The following LRPPRC variants were observed in gnomAD, a reference collection of about 807,000 sequenced individuals.
LRPPRC encodes leucine-rich PPR motif-containing protein, mitochondrial.
In LRPPRC, 120 loss-of-function variants were observed where a neutral mutation model predicts 180.3. The observed-to-expected ratio is 0.67, with a 90% confidence interval of 0.57 to 0.77. The LOEUF (loss-of-function observed/expected upper bound fraction) is 0.77. Among genes scored for constraint, LRPPRC ranks in the 30% least tolerant of loss-of-function variants. The probability of loss-of-function intolerance (pLI) is 0.00; values close to 1 mark genes in which losing one functional copy is unlikely to be tolerated. For synonymous variants in LRPPRC, 723 were observed against 600.0 expected, an observed-to-expected ratio of 1.21 and a Z score of -3.00; for missense variants, 2,012 against 1,657.2, an observed-to-expected ratio of 1.21 and a Z score of -3.72.
At chr2:43,927,554 A>G (rs746732078) in intron 25 of LRPPRC, among the ~76,000 whole-genome samples, 9 of 152,224 alleles carry the variant, frequency 5.9e-5, no homozygotes, top group Admixed American at 4.6e-4. Flanking sequence ...TTTCACACGC[A>G]TAATACTGAA....
chr2:43,927,643 A>G (rs1435846879), intron 25 of LRPPRC, among the ~76,000 whole-genome samples: 1 of 152,224 alleles, frequency 6.6e-6, no homozygotes, highest in Non-Finnish European at 1.5e-5. Flanking sequence ...GCAAAATGCA[A>G]GGGCTACGGT....
rs754768643 is a variant in LRPPRC, at chr2:43,973,741, A to G, written c.1262-27T>C. On this transcript the variant is annotated intron_variant, in intron 10 of 37. Coordinates refer to ENST00000260665, the MANE Select transcript of LRPPRC (RefSeq NM_133259.4). Reference sequence around the variant, plus strand: ...TGAAAGAGATATCATAAAAGATCACAAAGCTACCTCAGCAAAACTTCCTTA... The same window carrying G: ...TGAAAGAGATATCATAAAAGATCACGAAGCTACCTCAGCAAAACTTCCTTA... 1.2e-5 allele frequency: 19 copies of G among 1,603,520 alleles called. No homozygotes were observed. In the African/African-American group the frequency reaches 2.5e-4, roughly 21 times the overall value.
intron 12 of LRPPRC, among the ~76,000 whole-genome samples, chr2:43,961,150 G>C (rs1190707182): frequency 1.3e-5 from 2 of 151,828 alleles, no homozygotes; most frequent in African/African-American, 4.8e-5. Flanking sequence ...ATAAATTATG[G>C]CATACCCATA....
At chr2:43,981,237 T>C (rs547348113) in intron 2 of LRPPRC, among the ~76,000 whole-genome samples, 1 of 148,926 alleles carries the variant, frequency 6.7e-6, no homozygotes, top group South Asian at 2.1e-4. Context: ...TCTTATATGA[T>C]CATCTTACAG....
chr2:43,980,116 C>G (rs922887284), intron 2 of LRPPRC, among the ~76,000 whole-genome samples, 168 bp from the exon 3 acceptor site: 13 of 152,142 alleles, frequency 8.5e-5, no homozygotes, highest in African/African-American at 3.1e-4. Flanking sequence ...TACTAAGTTA[C>G]AAGTCAAACT....
At chr2:43,990,122 G>T (rs550650590) in intron 1 of LRPPRC, among the ~76,000 whole-genome samples, 1 of 152,178 alleles carries the variant, frequency 6.6e-6, no homozygotes, top group East Asian at 1.9e-4. Context: ...GGGAGGCTGA[G>T]GTGGGAGAAT....
In LRPPRC at chr2:43,943,751, T is replaced by C; in HGVS notation, c.2440A>G (p.Thr814Ala). ...GTGGATGGTTCTGCTAACCCTAGAG[T>C]CACGATGGCTTCATGCAACTGTTTT... ...TVKQLHEAIV[T>A]LGLAEPSTNI... Residue 814 changes from threonine (T) to alanine (A), a missense_variant, in exon 23 of 38, where the codon ACT becomes GCT. Thr to Ala is a moderately conservative substitution (Grantham distance 58, BLOSUM62 0). Transcript: ENST00000260665. 3 of 1,613,530 alleles carry C rather than the reference T, an allele frequency of 1.9e-6. No homozygotes were observed. Among genetic ancestry groups the C allele is most frequent in the Non-Finnish European group, 2.5e-6 (3 of 1,179,504 alleles).
Position 43,960,626 on chromosome 2 carries a change from T to C in LRPPRC, c.1497A>G (p.Gly499=). 1 of 1,569,564 alleles carries C rather than the reference T, an allele frequency of 6.4e-7. No individual in the cohort carries two copies. Residue 499 remains glycine (G), a synonymous_variant, in exon 13 of 38, where the codon GGA becomes GGG. Transcript: ENST00000260665. ...NSARAILQEN[G]CLSDSDMFSQ... The stretch of plus-strand genomic sequence containing the variant: ...AAAACATATCACTATCAGACAGACA[T>C]CCATTTTCCTGGAGATAAAGCATAT...
At chr2:43,911,982 GGAA>G (rs1558923723) in intron 30 of LRPPRC, among the ~76,000 whole-genome samples, 1 of 151,898 alleles carries the variant, frequency 6.6e-6, no homozygotes, top group African/African-American at 2.4e-5. Context: ...CTCATCATAC[GGAA>G]GAAGAACTAA....
chr2:43,925,180 A>C (rs759308303), intron 26 of LRPPRC, 23 bp from the exon 27 acceptor site: 2 of 1,119,604 alleles, frequency 1.8e-6, no homozygotes, highest in Admixed American at 3.4e-5. Context: ...ATTAAGAGAT[A>C]GATCTACCTT....
rs373277029 is a variant in LRPPRC at position 43,899,533 on chromosome 2, T to C, written c.3642A>G (p.Gln1214=). The C allele has an allele frequency of 2.5e-6, 4 of 1,612,744 alleles. No individual in the cohort carries two copies. The highest frequency in any genetic ancestry group is 1.7e-5 in the Admixed American group (1 of 60,004). Residue 1214 remains glutamine (Q), a synonymous_variant, in exon 33 of 38, where the codon CAA becomes CAG. Transcript: ENST00000260665. ...TGAATAAGTATGCCAAGCCGAAGTA[T>C]TGGGGTTCAATGACTTTATTCTCTG... ...LTSENKVIEP[Q]YFGLAYLFRK...
At chr2:43,959,086 G>GA in intron 13 of LRPPRC, 1 of 620,568 alleles carries the variant, frequency 1.6e-6, no homozygotes, top group South Asian at 2.0e-5. Flanking sequence ...AAACAAGCCT[G>GA]AAAAATCAAG....
chr2:43,936,459 T>C (rs1419291486), intron 23 of LRPPRC, among the ~76,000 whole-genome samples: 1 of 152,218 alleles, frequency 6.6e-6, no homozygotes, highest in Non-Finnish European at 1.5e-5. Flanking sequence ...AAAATCTTTG[T>C]AGAGAATATA....
intron 11 of LRPPRC, among the ~76,000 whole-genome samples, chr2:43,968,568 T>G (rs557998571): frequency 1.3e-5 from 2 of 152,338 alleles, no homozygotes; most frequent in African/African-American, 2.4e-5. Flanking sequence ...TTGGGTGTGC[T>G]TCTCTACATA....
rs780441435 is a variant in LRPPRC, at chr2:43,905,823, C to A, written c.3276-43G>T. The A allele has an allele frequency of 3.2e-5, 37 of 1,156,382 alleles. No individual in the cohort carries two copies. In the South Asian group the frequency reaches 4.5e-4, roughly 14 times the overall value. 71.6% of individuals were successfully genotyped at this position (1,156,382 alleles called of 1,614,324 possible). ...TTAGAAAGGAATTACTGACATGCTT[C>A]TGATACGATAATAAATGGTTGAGCA... is the stretch of plus-strand genomic sequence containing the variant. On this transcript the variant is annotated intron_variant, in intron 30 of 37. Transcript: ENST00000260665.
chr2:43,896,511 G>T (rs2104983536), intron 35 of LRPPRC, 123 bp downstream of exon 35: 1 of 696,586 alleles, frequency 1.4e-6, no homozygotes. Context: ...GACAAGCAAA[G>T]TCTTGAATCT....
At chr2:43,928,721 C>G (rs957086094) in intron 25 of LRPPRC, among the ~76,000 whole-genome samples, 1 of 151,696 alleles carries the variant, frequency 6.6e-6, no homozygotes, top group African/African-American at 2.4e-5. Context: ...TGTGAACAGC[C>G]AATGCACTCC....
intron 14 of LRPPRC, among the ~76,000 whole-genome samples, chr2:43,953,915 A>G (rs1256814831): frequency 1.3e-5 from 2 of 152,298 alleles, no homozygotes; most frequent in Non-Finnish European, 2.9e-5. Flanking sequence ...CATGCCTGTA[A>G]TCCCAGCACT....
intron 31 of LRPPRC, chr2:43,902,313 T>A (rs1408273462): frequency 1.3e-5 from 2 of 152,182 alleles, no homozygotes; most frequent in Non-Finnish European, 2.9e-5. Flanking sequence ...CTCATAAAAC[T>A]GTAGCAAAAT....
Sources: allele counts gnomAD v4.1 joint callset (sites outside exome capture counted in the v4.1 genomes callset), GRCh38; gene constraint gnomAD v4.1.1; transcripts MANE v1.5; gene names NCBI Gene and HGNC (gene_info 2026-07-23, HGNC 2026-07-21).